Variants in PPP2R5E observed in about 807,000 individuals in gnomAD.
PPP2R5E encodes serine/threonine-protein phosphatase 2A 56 kDa regulatory subunit epsilon isoform.
A neutral mutation model predicts 65.3 loss-of-function variants in PPP2R5E; 4 were observed. That is an observed-to-expected ratio of 0.06 (90% CI 0.03 to 0.14). PPP2R5E has a LOEUF of 0.14. PPP2R5E is among the 10% of genes least tolerant of loss of function. The pLI is 1.00. For missense variants in PPP2R5E, 274 were observed against 556.1 expected (o/e 0.49, Z 5.10); for synonymous variants, 183 against 187.4 (o/e 0.98, Z 0.19).
intron 2 of PPP2R5E, among the ~76,000 whole-genome samples, chr14:63,514,740 C>T (rs774760375): frequency 3.9e-5 from 6 of 152,164 alleles, no homozygotes; most frequent in Non-Finnish European, 8.8e-5. Flanking sequence ...GGAATATTGA[C>T]CATTTCCCTG....
intron 2 of PPP2R5E, among the ~76,000 whole-genome samples, chr14:63,526,917 C>A (rs1411745135): frequency 6.6e-6 from 1 of 152,232 alleles, no homozygotes; most frequent in East Asian, 1.9e-4. Flanking sequence ...CGCCTGTAAT[C>A]CCAGCACTCT....
At chr14:63,487,203 T>C (rs141074553) in intron 2 of PPP2R5E, among the ~76,000 whole-genome samples, 1 of 152,340 alleles carries the variant, frequency 6.6e-6, no homozygotes, top group Admixed American at 6.5e-5. Flanking sequence ...AGTATCCTAG[T>C]ATTTTAACAC....
chr14:63,386,740 T>C (rs1345583050), intron 11 of PPP2R5E, among the ~76,000 whole-genome samples: 1 of 151,936 alleles, frequency 6.6e-6, no homozygotes, highest in African/African-American at 2.4e-5. Flanking sequence ...CTGGCCAACA[T>C]GGTAAAACCC....
At chr14:63,413,857 C>T (rs1162099033) in intron 5 of PPP2R5E, among the ~76,000 whole-genome samples, 1 of 152,178 alleles carries the variant, frequency 6.6e-6, no homozygotes, top group Non-Finnish European at 1.5e-5. Context: ...AAAGTGTGAG[C>T]CAGGATTCAC....
chr14:63,523,173 C>A (rs1366592604), intron 2 of PPP2R5E, among the ~76,000 whole-genome samples: 1 of 150,910 alleles, frequency 6.6e-6, no homozygotes, highest in African/African-American at 2.5e-5. Flanking sequence ...AGGTGAGGAG[C>A]CCCTCTGCCC....
At chr14:63,506,345 G>A (rs900431023) in intron 2 of PPP2R5E, among the ~76,000 whole-genome samples, 2 of 152,126 alleles carry the variant, frequency 1.3e-5, no homozygotes, top group African/African-American at 4.8e-5. Flanking sequence ...CAGCTACTCA[G>A]GAGGCTGAGG....
chr14:63,466,249 T>TA (rs56726365), intron 2 of PPP2R5E, among the ~76,000 whole-genome samples: 4,486 of 93,022 alleles, frequency 0.048, 211 homozygotes, highest in African/African-American at 0.18. Context: ...TCATGAAACT[T>TA]AAAAAAAAAA....
chr14:63,377,799 T>C (rs181361483), intron 13 of PPP2R5E, among the ~76,000 whole-genome samples: 32 of 152,322 alleles, frequency 2.1e-4, no homozygotes, highest in Admixed American at 2.1e-3. Context: ...CCTGAAAAAA[T>C]TGCACTTATA....
intron 3 of PPP2R5E, among the ~76,000 whole-genome samples, chr14:63,423,293 C>T (rs965337800): frequency 1.3e-5 from 2 of 152,192 alleles, no homozygotes; most frequent in East Asian, 1.9e-4. Context: ...AACCAGGTTT[C>T]ACCATGTTGG....
chr14:63,450,126 T>C (rs745588373), intron 3 of PPP2R5E, among the ~76,000 whole-genome samples: 6 of 152,178 alleles, frequency 3.9e-5, no homozygotes, highest in Non-Finnish European at 5.9e-5. Flanking sequence ...TCCACGCGCC[T>C]CAGCCTCCCA....
At chr14:63,539,492 A>G (rs763586257) in intron 2 of PPP2R5E, 37 bp downstream of exon 2, 58 of 1,589,856 alleles carry the variant, frequency 3.6e-5, no homozygotes, top group African/African-American at 1.4e-4. Flanking sequence ...AGAAAGATCA[A>G]TTGAAAAAGA....
chr14:63,542,315 C>G (rs935960308), intron 1 of PPP2R5E, among the ~76,000 whole-genome samples: 5 of 152,112 alleles, frequency 3.3e-5, no homozygotes, highest in African/African-American at 1.2e-4. Flanking sequence ...CTCTAATCAG[C>G]AGGCATGGGG....
intron 2 of PPP2R5E, among the ~76,000 whole-genome samples, chr14:63,500,747 T>C (rs1398289316): frequency 4.6e-5 from 7 of 151,936 alleles, no homozygotes; most frequent in African/African-American, 1.7e-4. Flanking sequence ...GCATCTGTGG[T>C]CCCAACTACT....
chr14:63,375,542 G>A lies in PPP2R5E; in HGVS notation c.*467C>T, dbSNP rs191717254. On this transcript the variant is annotated 3_prime_UTR_variant, in exon 14 of 14. Coordinates refer to ENST00000337537, the MANE Select transcript of PPP2R5E (RefSeq NM_006246.5). ...TAAATTACAGTCAAGTTATCCAGAG[G>A]AGGATGTTACACAAACTTATAAGGA... is the stretch of plus-strand genomic sequence containing the variant. The A allele has an allele frequency of 6.5e-6, 1 of 152,692 alleles. No homozygotes were observed. The highest frequency in any genetic ancestry group is 2.4e-5 in the African/African-American group (1 of 41,452). 9.5% of individuals were successfully genotyped at this position (152,692 alleles called of 1,614,324 possible).
At position 63,521,200 on chromosome 14, in the gene PPP2R5E, CCA is replaced by C. The variant is rs1177338489; in HGVS notation, c.157+18327_157+18328del. Among the ~76,000 whole-genome samples the C allele has an allele frequency of 2.6e-5, 4 of 152,118 alleles. No individual in the cohort carries two copies. In the East Asian group the frequency reaches 5.8e-4, roughly 22 times the overall value. ...TAAACCAGTACAGTTAAAATAAATCCCAGTTACTTGAACTGCCTTTTAAAATG... is the reference window on the plus strand; with the variant it reads ...TAAACCAGTACAGTTAAAATAAATCCGTTACTTGAACTGCCTTTTAAAATG... On this transcript the variant is annotated intron_variant, in intron 2 of 13. Coordinates refer to ENST00000337537, the MANE Select transcript of PPP2R5E (RefSeq NM_006246.5).
intron 3 of PPP2R5E, among the ~76,000 whole-genome samples, chr14:63,444,013 G>A (rs1888358996): frequency 6.6e-6 from 1 of 151,988 alleles, no homozygotes; most frequent in African/African-American, 2.4e-5. Context: ...CAATCTCTCT[G>A]TCCCACTGTC....
At chr14:63,506,682 A>G (rs1382043974) in intron 2 of PPP2R5E, among the ~76,000 whole-genome samples, 1 of 152,216 alleles carries the variant, frequency 6.6e-6, no homozygotes, top group Non-Finnish European at 1.5e-5. Context: ...TAAATCCCTC[A>G]TACCTTCCTG....
chr14:63,406,808 C>G (rs1886117987), intron 5 of PPP2R5E, among the ~76,000 whole-genome samples: 1 of 152,172 alleles, frequency 6.6e-6, no homozygotes, highest in Non-Finnish European at 1.5e-5. Context: ...CATGTAACAT[C>G]TTAAGAGAAC....
intron 2 of PPP2R5E, among the ~76,000 whole-genome samples, chr14:63,464,954 C>T (rs1889706058): frequency 1.3e-5 from 2 of 149,944 alleles, no homozygotes; most frequent in East Asian, 4.0e-4. Context: ...ACCCAGGAGG[C>T]AGAGGTTGCA....
Sources: allele counts gnomAD v4.1 joint callset (sites outside exome capture counted in the v4.1 genomes callset), GRCh38; gene constraint gnomAD v4.1.1; transcripts MANE v1.5; gene names NCBI Gene and HGNC (gene_info 2026-07-23, HGNC 2026-07-21).